The following COLEC11 variants were observed in gnomAD, a reference collection of about 807,000 sequenced individuals.
COLEC11 encodes collectin subfamily member 11.
COLEC11 carries 20 observed loss-of-function variants against 27.3 expected under a neutral mutation model. The ratio of observed to expected loss-of-function variants is 0.73; its 90% confidence interval spans 0.51 to 1.06. The LOEUF (loss-of-function observed/expected upper bound fraction) is 1.06, where lower values mean the gene tolerates loss of function less well. Among genes scored for constraint, COLEC11 ranks in the 50% least tolerant of loss-of-function variants. The probability of loss-of-function intolerance (pLI) is 0.00; values close to 1 mark genes in which losing one functional copy is unlikely to be tolerated. For synonymous variants in COLEC11, 163 were observed against 154.7 expected (o/e 1.05, Z -0.40); for missense variants, 310 against 383.0 (o/e 0.81, Z 1.59).
At chr2:3,631,367 C>T (rs779823999) in intron 3 of COLEC11, among the ~76,000 whole-genome samples, 4 of 152,234 alleles carry the variant, frequency 2.6e-5, no homozygotes, top group Admixed American at 1.3e-4. Flanking sequence ...TTTGCTTGTT[C>T]TCTTTGTGGA....
intron 4 of COLEC11, among the ~76,000 whole-genome samples, chr2:3,637,941 G>C (rs1436788577): frequency 6.6e-6 from 1 of 152,192 alleles, no homozygotes; most frequent in Admixed American, 6.5e-5. Context: ...AGAGCCTCAC[G>C]TAAGGAGCGG....
chr2:3,606,066 A>G (rs1662667937), intron 2 of COLEC11: 4 of 1,548,116 alleles, frequency 2.6e-6, no homozygotes, highest in African/African-American at 1.4e-5. Flanking sequence ...AGTTTTGGTG[A>G]AAGTGGCTTT....
chr2:3,643,631 C>G, intron 6 of COLEC11, 92 bp downstream of exon 6: 1 of 1,600,684 alleles, frequency 6.2e-7, no homozygotes, highest in South Asian at 1.1e-5. Context: ...CCACGCCTGC[C>G]CTGCCTGCCC....
intron 2 of COLEC11, among the ~76,000 whole-genome samples, chr2:3,613,024 C>T (rs1233028248): frequency 1.4e-5 from 2 of 145,412 alleles, no homozygotes; most frequent in East Asian, 3.9e-4. Context: ...CGGCACTGTG[C>T]ACCCAGGGAC....
At chr2:3,635,167 C>T (rs1468198262) in intron 3 of COLEC11, among the ~76,000 whole-genome samples, 1 of 150,982 alleles carries the variant, frequency 6.6e-6, no homozygotes, top group African/African-American at 2.4e-5. Context: ...CCCTCTGTGC[C>T]TCTCCAGAGC....
At chr2:3,643,654 C>T (rs1387923973) in intron 6 of COLEC11, 73 bp from the exon 7 acceptor site, 6 of 1,608,780 alleles carry the variant, frequency 3.7e-6, no homozygotes, top group Non-Finnish European at 4.3e-6. Flanking sequence ...CCGGCCCCTG[C>T]TGCCTGTGGC....
In COLEC11 at chr2:3,637,578, G is replaced by C. The variant is rs772174618; in HGVS notation, c.248G>C (p.Gly83Ala). The C allele has an allele frequency of 6.2e-7, 1 of 1,614,100 alleles. No individual in the cohort carries two copies. Among genetic ancestry groups the C allele is most frequent in the Non-Finnish European group, 8.5e-7 (1 of 1,179,982 alleles). ...CAGAAAGGCAGTGTGGGTCGTCATG[G>C]AAAAATTGGTCCCATTGGCTCTAAA... Reference protein sequence around the residue: ...KGQKGSVGRHGKIGPIGSKGE... With the variant: ...KGQKGSVGRHAKIGPIGSKGE... Residue 83 changes from glycine (G) to alanine (A), a missense_variant, in exon 4 of 7, where the codon GGA becomes GCA. Physicochemically the swap from Gly to Ala is moderately conservative, Grantham distance 60 (BLOSUM62 0). Transcript: ENST00000349077.
intron 3 of COLEC11, 42 bp from the exon 4 acceptor site, chr2:3,637,491 C>A: frequency 6.5e-7 from 1 of 1,534,240 alleles, no homozygotes; most frequent in South Asian, 1.1e-5. Context: ...GCCACGGTGT[C>A]ACCTGTGCAT....
rs141857043 is a variant in COLEC11 at position 3,603,676 on chromosome 2, G to A, written c.-26-639G>A. 4,446 of 1,550,794 alleles carry A rather than the reference G, an allele frequency of 2.9e-3. 11 individuals are homozygous for A. The highest frequency in any genetic ancestry group is 4.5e-3 in the Middle Eastern group (27 of 5,990). On this transcript the variant is annotated intron_variant, in intron 1 of 6. Transcript: ENST00000349077. ...GAAACAAAGAGGTCAGCACGTACCC[G>A]CCCCTCCTGGGATGGTCAGATGTCC...
At chr2:3,619,992 T>C (rs1664066872) in intron 3 of COLEC11, among the ~76,000 whole-genome samples, 1 of 152,236 alleles carries the variant, frequency 6.6e-6, no homozygotes. Context: ...TTTTTGCATC[T>C]GTGTTCATCA....
chr2:3,632,097 C>G (rs552290767), intron 3 of COLEC11, among the ~76,000 whole-genome samples: 7 of 152,276 alleles, frequency 4.6e-5, no homozygotes, highest in Admixed American at 2.0e-4. Flanking sequence ...CGCTGTGACC[C>G]GAGGCACGGA....
At chr2:3,637,697 T>C in intron 4 of COLEC11, 93 bp downstream of exon 4, 1 of 992,338 alleles carries the variant, frequency 1.0e-6, no homozygotes. Context: ...AATTGTCTCG[T>C]CTGGTGCTCT....
At position 3,631,593 on chromosome 2, in the gene COLEC11, C is replaced by T. The variant is rs181613585; in HGVS notation, c.203-5940C>T. On this transcript the variant is annotated intron_variant, in intron 3 of 6. Coordinates refer to ENST00000349077, the MANE Select transcript of COLEC11 (RefSeq NM_024027.5). ...TAGGGCAGAAGGGAATAAGGAGGGA[C>T]GGGAGGGTTTGGGCCACCTGTAGCC... is the stretch of plus-strand genomic sequence containing the variant. Among the ~76,000 whole-genome samples the T allele has an allele frequency of 1.8e-3, 270 of 152,252 alleles. 1 individual carries two copies. Among genetic ancestry groups the T allele is most frequent in the South Asian group, 6.9e-3 (33 of 4,816 alleles).
chr2:3,609,952 C>T (rs999136345), intron 2 of COLEC11, among the ~76,000 whole-genome samples: 5 of 152,290 alleles, frequency 3.3e-5, no homozygotes, highest in Non-Finnish European at 7.3e-5. Flanking sequence ...GCATGAGCCA[C>T]TGCACCTGGC....
At chr2:3,597,408 A>G (rs1321617788) in intron 1 of COLEC11, among the ~76,000 whole-genome samples, 2 of 151,706 alleles carry the variant, frequency 1.3e-5, no homozygotes, top group African/African-American at 4.9e-5. Context: ...GAGTGAAGGC[A>G]CGAGAAATCC....
chr2:3,627,717 C>T (rs1013258905), intron 3 of COLEC11, among the ~76,000 whole-genome samples: 3 of 148,314 alleles, frequency 2.0e-5, no homozygotes, highest in African/African-American at 5.0e-5. Flanking sequence ...CTAGGTATGA[C>T]GATGCTGGGC....
rs1197067256 is a variant in COLEC11 at position 3,644,411 on chromosome 2, C to G, written c.*293C>G. 2 of 600,480 alleles carry G rather than the reference C, an allele frequency of 3.3e-6. No individual in the cohort carries two copies. Among genetic ancestry groups the G allele is most frequent in the Non-Finnish European group, 6.2e-6 (2 of 322,508 alleles). The allele number at this position is 600,480 out of a possible 1,614,324, so 37.2% of individuals were successfully genotyped here. ...TCTTCCATAAAGCTTGTGCCTTTGT[C>G]CAAGCTATACAATAAAATCTTTAAG... is the stretch of plus-strand genomic sequence containing the variant. On this transcript the variant is annotated 3_prime_UTR_variant, in exon 7 of 7. Coordinates refer to ENST00000349077, the MANE Select transcript of COLEC11 (RefSeq NM_024027.5).
At chr2:3,632,906 C>CAG (rs3056495) in intron 3 of COLEC11, among the ~76,000 whole-genome samples, 123,251 of 152,006 alleles carry the variant, frequency 0.81, 50,190 homozygotes, top group East Asian at 0.89. Context: ...ACAAACACCA[C>CAG]GGGCTGAGGA....
chr2:3,618,825 C>G (rs1349472713), intron 3 of COLEC11, among the ~76,000 whole-genome samples: 1 of 151,964 alleles, frequency 6.6e-6, no homozygotes. Flanking sequence ...GATATTTTTT[C>G]CATTTATTTG....
Sources: gnomAD v4.1 joint callset for allele counts (sites outside exome capture counted in the v4.1 genomes callset) on GRCh38, gnomAD v4.1.1 for gene constraint, MANE v1.5 for transcripts, NCBI Gene and HGNC (gene_info 2026-07-23, HGNC 2026-07-21) for gene names.